Variants in PPM1L observed in about 807,000 individuals in gnomAD.
The protein encoded by PPM1L is protein phosphatase 1L.
PPM1L carries 13 observed loss-of-function variants against 31.4 expected under a neutral mutation model. The ratio of observed to expected loss-of-function variants is 0.41; its 90% confidence interval spans 0.27 to 0.66. The LOEUF is 0.66. PPM1L is among the 30% of genes least tolerant of loss of function. The pLI is 0.29. For synonymous variants in PPM1L, 184 were observed against 175.4 expected (o/e 1.05, Z -0.39); for missense variants, 326 against 453.7 (o/e 0.72, Z 2.56).
At chr3:161,044,164 C>T (rs1251423769) in intron 2 of PPM1L, among the ~76,000 whole-genome samples, 1 of 151,912 alleles carries the variant, frequency 6.6e-6, no homozygotes, top group Non-Finnish European at 1.5e-5. Flanking sequence ...CTCAGCCTCC[C>T]GAGTAGCTGG....
intron 1 of PPM1L, among the ~76,000 whole-genome samples, chr3:160,790,238 G>A (rs1007022636): frequency 5.3e-5 from 8 of 151,954 alleles, no homozygotes; most frequent in South Asian, 2.1e-4. Flanking sequence ...ATGATATTAC[G>A]CTGATAAATG....
At chr3:160,841,742 C>G (rs1225784052) in intron 1 of PPM1L, among the ~76,000 whole-genome samples, 1 of 152,156 alleles carries the variant, frequency 6.6e-6, no homozygotes, top group Non-Finnish European at 1.5e-5. Context: ...AGTAGTTACA[C>G]TCTCCTGGCT....
intron 2 of PPM1L, among the ~76,000 whole-genome samples, chr3:160,996,484 CA>C (rs1191264646): frequency 6.6e-6 from 1 of 152,132 alleles, no homozygotes; most frequent in Non-Finnish European, 1.5e-5. Flanking sequence ...TAATGGCATT[CA>C]CAGCAACCTG....
At chr3:160,835,024 A>G (rs1443329443) in intron 1 of PPM1L, among the ~76,000 whole-genome samples, 4 of 127,074 alleles carry the variant, frequency 3.1e-5, no homozygotes, top group African/African-American at 7.2e-5. Flanking sequence ...TACTACTACT[A>G]CTATTACTAC....
intron 1 of PPM1L, among the ~76,000 whole-genome samples, chr3:160,766,564 A>G (rs1715106053): frequency 6.6e-6 from 1 of 152,014 alleles, no homozygotes; most frequent in South Asian, 2.1e-4. Flanking sequence ...TATGATTGTA[A>G]GTTTCCTGAG....
intron 1 of PPM1L, among the ~76,000 whole-genome samples, chr3:160,856,536 C>T (rs1048155357): frequency 6.6e-6 from 1 of 152,058 alleles, no homozygotes; most frequent in Non-Finnish European, 1.5e-5. Context: ...GGCCATTATC[C>T]TAAGCAAACT....
intron 1 of PPM1L, among the ~76,000 whole-genome samples, chr3:160,903,090 C>A (rs17826412): frequency 6.6e-6 from 1 of 151,346 alleles, no homozygotes; most frequent in Non-Finnish European, 1.5e-5. Flanking sequence ...GACAGTGATA[C>A]GAAATCATTG....
At chr3:160,806,442 C>T (rs1044690119) in intron 1 of PPM1L, among the ~76,000 whole-genome samples, 2 of 152,092 alleles carry the variant, frequency 1.3e-5, no homozygotes, top group African/African-American at 4.8e-5. Context: ...CCCCTTAGAT[C>T]TAGGGTCTGG....
At chr3:160,758,029 A>G (rs528005805) in intron 1 of PPM1L, among the ~76,000 whole-genome samples, 1 of 152,372 alleles carries the variant, frequency 6.6e-6, no homozygotes, top group African/African-American at 2.4e-5. Context: ...CAACTTTGCC[A>G]AGAATGACAA....
intron 1 of PPM1L, among the ~76,000 whole-genome samples, chr3:160,820,354 A>T (rs1343730730): frequency 6.6e-6 from 1 of 152,102 alleles, no homozygotes; most frequent in African/African-American, 2.4e-5. Context: ...TTCAGATTTA[A>T]AATTTTGCTG....
intron 1 of PPM1L, among the ~76,000 whole-genome samples, chr3:160,905,126 A>G (rs1356262322): frequency 6.6e-6 from 1 of 152,172 alleles, no homozygotes; most frequent in African/African-American, 2.4e-5. Flanking sequence ...TTTCTAAGGA[A>G]TGTTAAGGGT....
At chr3:161,029,454 C>T (rs1425775324) in intron 2 of PPM1L, among the ~76,000 whole-genome samples, 3 of 152,134 alleles carry the variant, frequency 2.0e-5, no homozygotes, top group Admixed American at 1.3e-4. Context: ...GAATGTCATA[C>T]AATTCCAGTA....
At chr3:160,921,861 C>A (rs947222688) in intron 1 of PPM1L, among the ~76,000 whole-genome samples, 6 of 123,770 alleles carry the variant, frequency 4.8e-5, no homozygotes, top group Non-Finnish European at 8.1e-5. Context: ...TTACTTATGA[C>A]CAGGGATTTC....
At chr3:161,054,254 G>A (rs1194958776) in intron 2 of PPM1L, among the ~76,000 whole-genome samples, 1 of 152,010 alleles carries the variant, frequency 6.6e-6, no homozygotes, top group African/African-American at 2.4e-5. Context: ...CAGATGTTTT[G>A]TTGTCAGTGT....
At chr3:160,821,707 C>T (rs1474591714) in intron 1 of PPM1L, among the ~76,000 whole-genome samples, 1 of 151,936 alleles carries the variant, frequency 6.6e-6, no homozygotes, top group Admixed American at 6.6e-5. Flanking sequence ...TTTCCACCTG[C>T]TAGAATTTTG....
intron 2 of PPM1L, among the ~76,000 whole-genome samples, chr3:161,020,183 A>G (rs1718202328): frequency 6.6e-6 from 1 of 152,046 alleles, no homozygotes; most frequent in African/African-American, 2.4e-5. Flanking sequence ...TCCTAACTCA[A>G]TTTTATACTC....
At chr3:160,829,275 G>A (rs970721414) in intron 1 of PPM1L, among the ~76,000 whole-genome samples, 1 of 151,734 alleles carries the variant, frequency 6.6e-6, no homozygotes, top group African/African-American at 2.4e-5. Context: ...TGTTTCTGTG[G>A]TATATGGCAC....
At chr3:160,779,697 AT>A (rs111682834) in intron 1 of PPM1L, among the ~76,000 whole-genome samples, 719 of 137,378 alleles carry the variant, frequency 5.2e-3, no homozygotes, top group African/African-American at 6.5e-3. Context: ...TAATTTTTGT[AT>A]TTTTTTTTTT....
At chr3:161,025,301 C>T (rs946918550) in intron 2 of PPM1L, among the ~76,000 whole-genome samples, 3 of 152,072 alleles carry the variant, frequency 2.0e-5, no homozygotes, top group Admixed American at 6.5e-5. Context: ...CAGTGGCTTG[C>T]GCTTATAATC....
Sources: gnomAD v4.1 joint callset for allele counts (sites outside exome capture counted in the v4.1 genomes callset) on GRCh38, gnomAD v4.1.1 for gene constraint, MANE v1.5 for transcripts, NCBI Gene and HGNC (gene_info 2026-07-23, HGNC 2026-07-21) for gene names.